FAM153A: variants seen among roughly 807,000 people sequenced by gnomAD.
FAM153A encodes the protein protein FAM153A.
FAM153A carries 12 observed loss-of-function variants against 48.1 expected under a neutral mutation model. The ratio of observed to expected loss-of-function variants is 0.25; its 90% CI spans 0.16 to 0.40. The LOEUF is 0.40. FAM153A is among the 10% of genes least tolerant of loss of function. The probability of loss-of-function intolerance (pLI) is 1.00; values close to 1 mark genes in which losing one functional copy is unlikely to be tolerated. For missense variants in FAM153A, 111 were observed against 345.8 expected, an observed-to-expected ratio of 0.32 and a Z score of 5.38; for synonymous variants, 36 against 118.2, an observed-to-expected ratio of 0.30 and a Z score of 4.51.
chr5:177,716,835 G>C (rs1247402055), intron 24 of FAM153A, among the ~76,000 whole-genome samples: 1 of 151,726 alleles, frequency 6.6e-6, no homozygotes, highest in African/African-American at 2.4e-5. Flanking sequence ...GTCTTGCTCT[G>C]TCACCCAGGC....
At chr5:177,713,458 C>T (rs1298210947) in intron 26 of FAM153A, among the ~76,000 whole-genome samples, 1 of 151,388 alleles carries the variant, frequency 6.6e-6, no homozygotes, top group African/African-American at 2.4e-5. Context: ...GGGGTTTCAC[C>T]GTGTTAGCCA....
chr5:177,778,656 C>A (rs1769417460), intron 1 of FAM153A, among the ~76,000 whole-genome samples: 1 of 94,502 alleles, frequency 1.1e-5, no homozygotes, highest in Non-Finnish European at 2.2e-5. Context: ...GCCTGTAGTC[C>A]CAGCTACTTG....
At chr5:177,732,728 T>A (rs1378870266) in intron 14 of FAM153A, among the ~76,000 whole-genome samples, 3 of 100,324 alleles carry the variant, frequency 3.0e-5, no homozygotes, top group African/African-American at 1.1e-4. Flanking sequence ...CAGTCTGGTC[T>A]CGAACTCTCA....
downstream of FAM153A, among the ~76,000 whole-genome samples, chr5:177,708,745 A>G (rs1159578388): frequency 1.3e-5 from 2 of 152,002 alleles, no homozygotes; most frequent in Non-Finnish European, 2.9e-5. Flanking sequence ...CAAGTGGCAC[A>G]GGATGGTATC....
At chr5:177,734,528 C>G in intron 13 of FAM153A, 124 bp from the exon 16 acceptor site, 1 of 546,812 alleles carries the variant, frequency 1.8e-6, no homozygotes, top group Non-Finnish European at 3.1e-6. Flanking sequence ...AAAGGAACCC[C>G]AAAGAAGCGA....
downstream of FAM153A, among the ~76,000 whole-genome samples, chr5:177,705,159 C>T (rs1757764188): frequency 2.0e-5 from 3 of 148,486 alleles, no homozygotes; most frequent in African/African-American, 5.1e-5. Context: ...CAAAAATTAG[C>T]TGAGCATGGT....
Position 177,734,132 on chromosome 5 carries a change from A to C in FAM153A, c.760+248T>G, listed in dbSNP as rs1294411339. ...ACCACAGCACCACATGAATTCACAAAAGACATGAGCAGGCCCCTTGCACGG... is the reference window on the plus strand; with the variant it reads ...ACCACAGCACCACATGAATTCACAACAGACATGAGCAGGCCCCTTGCACGG... On this transcript the variant is annotated intron_variant, in intron 14 of 20. Coordinates refer to ENST00000614127, the Ensembl canonical transcript of FAM153A. Among the ~76,000 whole-genome samples the C allele has an allele frequency of 2.5e-5, 3 of 121,836 alleles. 1 individual carries two copies. Among genetic ancestry groups the C allele is most frequent in the African/African-American group, 8.4e-5 (3 of 35,830 alleles). 79.9% of individuals were successfully genotyped at this position (121,836 alleles called of 152,430 possible).
At chr5:177,699,864 A>G in the FAM153A span, among the ~76,000 whole-genome samples, 1 of 150,076 alleles carries the variant, frequency 6.7e-6, no homozygotes, top group South Asian at 2.1e-4. Context: ...CTATGAGGCT[A>G]GTATTACCCA....
intron 25 of FAM153A, chr5:177,714,188 A>G (rs1008678589): frequency 2.0e-5 from 3 of 150,594 alleles, no homozygotes; most frequent in African/African-American, 7.4e-5. Flanking sequence ...CTAATTACAA[A>G]AAAGGGATTG....
intron 18 of FAM153A, among the ~76,000 whole-genome samples, chr5:177,725,446 CAAAAG>C (rs1257580079): frequency 4.0e-5 from 6 of 149,332 alleles, no homozygotes; most frequent in African/African-American, 1.5e-4. Context: ...ATTCAGCCCT[CAAAAG>C]AATCCCAGCA....
At chr5:177,753,542 A>G (rs139172089), upstream of FAM153A, among the ~76,000 whole-genome samples, 64 of 150,760 alleles carry the variant, frequency 4.2e-4, no homozygotes, top group Admixed American at 2.3e-3. Flanking sequence ...TCAGGGTAAA[A>G]ATAAGAAAAG....
the FAM153A span, among the ~76,000 whole-genome samples, chr5:177,695,913 G>GGGT: frequency 8.0e-6 from 1 of 125,348 alleles, no homozygotes; most frequent in African/African-American, 3.5e-5. Context: ...TTCCCAGACA[G>GGGT]GGTGGCCGGG....
the FAM153A span, among the ~76,000 whole-genome samples, chr5:177,698,660 T>C: frequency 1.3e-5 from 2 of 151,916 alleles, no homozygotes; most frequent in South Asian, 4.1e-4. Flanking sequence ...CATACTTTCT[T>C]TTCTATTTAT....
chr5:177,734,666 CA>C (rs1227272581), intron 13 of FAM153A, among the ~76,000 whole-genome samples, 196 bp downstream of exon 15: 1 of 146,342 alleles, frequency 6.8e-6, no homozygotes, highest in East Asian at 2.0e-4. Context: ...TGTTACACAA[CA>C]GGTGACTGAT....
upstream of FAM153A, among the ~76,000 whole-genome samples, chr5:177,755,418 A>C (rs1383598551): frequency 6.6e-6 from 1 of 151,890 alleles, no homozygotes; most frequent in East Asian, 1.9e-4. Flanking sequence ...TCTGCAGGAT[A>C]TTATCCAGGA....
At chr5:177,730,536 C>T (rs1966017) in intron 16 of FAM153A, among the ~76,000 whole-genome samples, 24,901 of 114,740 alleles carry the variant, frequency 0.22, 7,279 homozygotes, top group African/African-American at 0.37. Flanking sequence ...AAGCCCACTG[C>T]GCAATGTACC....
chr5:177,706,155 GA>G (rs1357588085), downstream of FAM153A, among the ~76,000 whole-genome samples: 1 of 151,160 alleles, frequency 6.6e-6, no homozygotes, highest in Non-Finnish European at 1.5e-5. Context: ...AAATAATCTT[GA>G]AAAAAAGAAA....
chr5:177,769,230 CA>C (rs564065546), intron 1 of FAM153A, among the ~76,000 whole-genome samples: 487 of 16,990 alleles, frequency 0.029, 39 homozygotes, highest in Non-Finnish European at 0.04. Context: ...GACTCCGTCC[CA>C]AAAAAAAAAA....
upstream of FAM153A, among the ~76,000 whole-genome samples, chr5:177,753,897 C>T (rs945227275): frequency 7.9e-5 from 12 of 151,942 alleles, no homozygotes; most frequent in Non-Finnish European, 1.2e-4. Context: ...CAGTCTGCAG[C>T]TCCCAGCGTG....
Sources: allele counts gnomAD v4.1 joint callset (sites outside exome capture counted in the v4.1 genomes callset), GRCh38; gene constraint gnomAD v4.1.1; transcripts MANE v1.5; gene names NCBI Gene and HGNC (gene_info 2026-07-23, HGNC 2026-07-21).